Variants in RBMS3 observed in about 807,000 individuals in gnomAD.
The protein encoded by RBMS3 is RNA binding motif single stranded interacting protein 3, also known as RNA-binding motif, single-stranded-interacting protein 3.
A neutral mutation model predicts 66.8 loss-of-function variants in RBMS3; 27 were observed. That is an observed-to-expected ratio of 0.40 (90% confidence interval 0.30 to 0.56). The LOEUF (loss-of-function observed/expected upper bound fraction) is 0.56, where lower values mean the gene tolerates loss of function less well. Among genes scored for constraint, RBMS3 ranks in the 20% least tolerant of loss-of-function variants. The pLI is 0.40. For missense variants in RBMS3, 513 were observed against 549.5 expected, an observed-to-expected ratio of 0.93 and a Z score of 0.66; for synonymous variants, 188 against 183.0, an observed-to-expected ratio of 1.03 and a Z score of -0.22.
intron 4 of RBMS3, among the ~76,000 whole-genome samples, chr3:29,682,370 G>T (rs1265342924): frequency 6.6e-6 from 1 of 152,198 alleles, no homozygotes; most frequent in Non-Finnish European, 1.5e-5. Context: ...GGCCAGGATG[G>T]TCTCCGTCTC....
chr3:29,826,522 T>G lies in RBMS3; in HGVS notation c.638-42336T>G, dbSNP rs113155480. 8.9e-3 allele frequency among the ~76,000 whole-genome samples: 1,360 copies of G among 152,296 alleles called. 15 individuals are homozygous for G. The highest frequency in any genetic ancestry group is 0.03 in the African/African-American group (1,255 of 41,572). ...GTTAGCTACTGTATTAGTCTTCTAT[T>G]GGTGTAACAAACTACCACAAACTGG... On this transcript the variant is annotated intron_variant, in intron 6 of 14. Coordinates refer to ENST00000383767, the MANE Select transcript of RBMS3 (RefSeq NM_001003793.3).
chr3:29,799,138 T>C (rs981499151), intron 6 of RBMS3, among the ~76,000 whole-genome samples: 3 of 152,154 alleles, frequency 2.0e-5, no homozygotes, highest in African/African-American at 2.4e-5. Flanking sequence ...CATCCATAAA[T>C]GGAGTTGACC....
chr3:29,366,679 C>G (rs2037927376), intron 1 of RBMS3, among the ~76,000 whole-genome samples: 1 of 152,082 alleles, frequency 6.6e-6, no homozygotes, highest in African/African-American at 2.4e-5. Context: ...CTGGCGATAT[C>G]CAACTGTTTT....
At chr3:29,309,610 G>A (rs548521619) in intron 1 of RBMS3, among the ~76,000 whole-genome samples, 50 of 150,060 alleles carry the variant, frequency 3.3e-4, no homozygotes, top group African/African-American at 1.1e-3. Flanking sequence ...ATGCAGTGGT[G>A]GGGGGGGCGG....
At chr3:29,381,400 A>G (rs977041391) in intron 1 of RBMS3, among the ~76,000 whole-genome samples, 10 of 152,172 alleles carry the variant, frequency 6.6e-5, no homozygotes, top group African/African-American at 2.4e-4. Context: ...TACTAAGGTA[A>G]TAATGTACTC....
At chr3:29,983,085 G>T (rs1299435560) in intron 12 of RBMS3, among the ~76,000 whole-genome samples, 3 of 152,124 alleles carry the variant, frequency 2.0e-5, no homozygotes, top group Non-Finnish European at 2.9e-5. Flanking sequence ...AGTAATCTGG[G>T]TGCTCATGTA....
intron 6 of RBMS3, among the ~76,000 whole-genome samples, chr3:29,804,914 C>T (rs965928417): frequency 7.9e-6 from 1 of 126,834 alleles, no homozygotes; most frequent in South Asian, 2.4e-4. Context: ...AAAGAATCTG[C>T]GTGTACGTGT....
At chr3:29,307,227 G>A (rs2034072185) in intron 1 of RBMS3, among the ~76,000 whole-genome samples, 1 of 151,862 alleles carries the variant, frequency 6.6e-6, no homozygotes, top group Non-Finnish European at 1.5e-5. Flanking sequence ...TGGTCATAGA[G>A]CTCATCAAAG....
At chr3:29,675,596 C>G (rs992053414) in intron 4 of RBMS3, among the ~76,000 whole-genome samples, 1 of 152,120 alleles carries the variant, frequency 6.6e-6, no homozygotes, top group Non-Finnish European at 1.5e-5. Flanking sequence ...AATCAAACAA[C>G]CCCATCAAAA....
chr3:29,377,358 T>C lies in RBMS3; in HGVS notation c.76-57385T>C, dbSNP rs964023895. 2.6e-5 allele frequency among the ~76,000 whole-genome samples: 4 copies of C among 152,138 alleles called. No homozygotes were observed. In the East Asian group the frequency reaches 7.7e-4, roughly 29 times the overall value. ...TAACTGGTCTCGGGTGAGGCCTGCA[T>C]GTTGGGATGTTTAGAGGTTCCCCAA... On this transcript the variant is annotated intron_variant, in intron 1 of 14. Transcript: ENST00000383767.
At chr3:29,869,585 G>C (rs1483037588) in intron 7 of RBMS3, among the ~76,000 whole-genome samples, 3 of 152,094 alleles carry the variant, frequency 2.0e-5, no homozygotes, top group Admixed American at 6.6e-5. Context: ...GCACTGAACA[G>C]CTCACTATCC....
intron 3 of RBMS3, among the ~76,000 whole-genome samples, chr3:29,561,100 A>G (rs1181480895): frequency 2.1e-5 from 2 of 93,356 alleles, no homozygotes; most frequent in African/African-American, 8.7e-5. Context: ...ATAGTATTCC[A>G]TGGTGCCTAT....
At chr3:29,364,451 A>C (rs926008937) in intron 1 of RBMS3, among the ~76,000 whole-genome samples, 1 of 152,168 alleles carries the variant, frequency 6.6e-6, no homozygotes, top group Non-Finnish European at 1.5e-5. Flanking sequence ...AGGTATTCTT[A>C]TGCTTCCACA....
intron 1 of RBMS3, among the ~76,000 whole-genome samples, chr3:29,399,491 C>T (rs1458887453): frequency 2.6e-5 from 4 of 152,118 alleles, no homozygotes; most frequent in Non-Finnish European, 1.5e-5. Flanking sequence ...AAGGCTGAGA[C>T]AAATACTCTA....
chr3:29,326,657 T>C (rs2035352897), intron 1 of RBMS3, among the ~76,000 whole-genome samples: 1 of 152,092 alleles, frequency 6.6e-6, no homozygotes, highest in African/African-American at 2.4e-5. Context: ...CGTACTGAGC[T>C]CAGTGTTTGG....
chr3:29,839,089 G>T (rs760378016), intron 6 of RBMS3, among the ~76,000 whole-genome samples: 1 of 152,108 alleles, frequency 6.6e-6, no homozygotes, highest in Non-Finnish European at 1.5e-5. Context: ...ATAATGAGTG[G>T]ATTGTTAATA....
At chr3:29,962,589 G>A (rs1223148988) in intron 12 of RBMS3, among the ~76,000 whole-genome samples, 5 of 135,342 alleles carry the variant, frequency 3.7e-5, no homozygotes, top group African/African-American at 1.6e-4. Context: ...AACAAGCCCT[G>A]CATCCCTAGC....
chr3:29,898,977 G>A (rs2060190832), intron 9 of RBMS3, among the ~76,000 whole-genome samples: 1 of 151,426 alleles, frequency 6.6e-6, no homozygotes, highest in Admixed American at 6.6e-5. Flanking sequence ...CCTTTCACCA[G>A]GTTTTTTCAA....
intron 1 of RBMS3, among the ~76,000 whole-genome samples, chr3:29,343,229 C>T (rs999772407): frequency 6.6e-6 from 1 of 152,006 alleles, no homozygotes; most frequent in Non-Finnish European, 1.5e-5. Context: ...TGGCTTATAA[C>T]AAGTGAGTAT....
Sources: gnomAD v4.1 joint callset for allele counts (sites outside exome capture counted in the v4.1 genomes callset) on GRCh38, gnomAD v4.1.1 for gene constraint, MANE v1.5 for transcripts, NCBI Gene and HGNC (gene_info 2026-07-23, HGNC 2026-07-21) for gene names.